FBXO11: variants seen among roughly 807,000 people sequenced by gnomAD.
FBXO11 encodes the protein F-box protein 11, also known as F-box only protein 11.
In FBXO11, 13 loss-of-function variants were observed where a neutral mutation model predicts 117.0. That is an observed-to-expected ratio of 0.11 (90% CI 0.07 to 0.18). The LOEUF is 0.18. Among genes scored for constraint, FBXO11 ranks in the 10% least tolerant of loss-of-function variants. The pLI is 1.00. For synonymous variants in FBXO11, 490 were observed against 380.5 expected, an observed-to-expected ratio of 1.29 and a Z score of -3.35; for missense variants, 767 against 1,164.4, an observed-to-expected ratio of 0.66 and a Z score of 4.97.
At chr2:47,828,042 C>T (rs1408020665) in intron 11 of FBXO11, among the ~76,000 whole-genome samples, 2 of 151,916 alleles carry the variant, frequency 1.3e-5, no homozygotes. Flanking sequence ...CAAGCTGGAG[C>T]TATCACAGGT....
intron 1 of FBXO11, among the ~76,000 whole-genome samples, chr2:47,854,254 G>A (rs1305453637): frequency 6.6e-6 from 1 of 151,114 alleles, no homozygotes; most frequent in Non-Finnish European, 1.5e-5. Context: ...CTGTCCCCAG[G>A]ACTTTTTTTT....
intron 1 of FBXO11, among the ~76,000 whole-genome samples, chr2:47,856,242 TA>T (rs1674284024): frequency 6.6e-6 from 1 of 152,102 alleles, no homozygotes; most frequent in South Asian, 2.1e-4. Flanking sequence ...AGCATAAAGA[TA>T]GATTAAATAG....
intron 13 of FBXO11, among the ~76,000 whole-genome samples, chr2:47,821,373 G>A (rs1444804944): frequency 6.6e-6 from 1 of 152,186 alleles, no homozygotes; most frequent in East Asian, 1.9e-4. Context: ...CACTTTGGGA[G>A]ACCGAGGCAG....
At chr2:47,836,747 GT>G (rs1672597820) in intron 4 of FBXO11, among the ~76,000 whole-genome samples, 1 of 152,160 alleles carries the variant, frequency 6.6e-6, no homozygotes, top group Admixed American at 6.5e-5. Context: ...TATCCTTACT[GT>G]AAAAACATCA....
chr2:47,899,639 T>C lies in FBXO11; in HGVS notation c.232+5850A>G, dbSNP rs183281605. Reference sequence around the variant, plus strand: ...TAACTCTGAGCTCTTTACATCATACTGTCTCATTCCTTATAGTGTATCTTC... The same window carrying C: ...TAACTCTGAGCTCTTTACATCATACCGTCTCATTCCTTATAGTGTATCTTC... On this transcript the variant is annotated intron_variant, in intron 1 of 22. Transcript: ENST00000403359. Among the ~76,000 whole-genome samples, 9 of 152,328 alleles carry C rather than the reference T, an allele frequency of 5.9e-5. No homozygotes were observed. In the East Asian group the frequency reaches 1.7e-3, roughly 29 times the overall value.
intron 11 of FBXO11, among the ~76,000 whole-genome samples, chr2:47,830,336 G>A (rs773023086): frequency 2.6e-5 from 4 of 151,926 alleles, no homozygotes; most frequent in African/African-American, 4.8e-5. Flanking sequence ...AGGGATTCTC[G>A]CATGGCAAGA....
At chr2:47,838,570 AT>A (rs1672771468) in intron 4 of FBXO11, among the ~76,000 whole-genome samples, 1 of 152,110 alleles carries the variant, frequency 6.6e-6, no homozygotes, top group Non-Finnish European at 1.5e-5. Context: ...TTCATTAGCT[AT>A]TTTAAATTAC....
intron 1 of FBXO11, among the ~76,000 whole-genome samples, chr2:47,841,890 C>T (rs977623990): frequency 2.6e-5 from 4 of 151,912 alleles, no homozygotes; most frequent in Non-Finnish European, 4.4e-5. Flanking sequence ...CCCCCCACCT[C>T]GGCCTCCCAA....
At chr2:47,878,064 T>C (rs139124367) in intron 1 of FBXO11, among the ~76,000 whole-genome samples, 1 of 152,330 alleles carries the variant, frequency 6.6e-6, no homozygotes, top group East Asian at 1.9e-4. Context: ...GCCCAGCTTT[T>C]ACCCAGGAGG....
intron 1 of FBXO11, among the ~76,000 whole-genome samples, chr2:47,890,404 C>A (rs1290368091): frequency 1.3e-5 from 2 of 152,118 alleles, no homozygotes; most frequent in Non-Finnish European, 2.9e-5. Context: ...AAGCACACTT[C>A]CAACATTAAA....
At chr2:47,813,042 CA>C in intron 18 of FBXO11, 191 bp downstream of exon 18, 1 of 611,352 alleles carries the variant, frequency 1.6e-6, no homozygotes, top group Non-Finnish European at 2.9e-6. Flanking sequence ...AAAGTGGCTA[CA>C]AAAGGAAAAG....
chr2:47,899,769 G>C (rs779758232), intron 1 of FBXO11, among the ~76,000 whole-genome samples: 64 of 152,252 alleles, frequency 4.2e-4, no homozygotes, highest in Admixed American at 1.3e-4. Flanking sequence ...TCAAAGGTCT[G>C]ATAAATCAGT....
chr2:47,874,042 G>A (rs376898795), intron 1 of FBXO11, among the ~76,000 whole-genome samples: 38 of 151,968 alleles, frequency 2.5e-4, no homozygotes, highest in African/African-American at 8.4e-4. Context: ...GTGAAACCCC[G>A]TCTCTACTAA....
chr2:47,905,400 G>T, intron 1 of FBXO11, 89 bp downstream of exon 1: 1 of 1,069,648 alleles, frequency 9.3e-7, no homozygotes, highest in Non-Finnish European at 1.1e-6. Context: ...CGCGCAGGCC[G>T]CCCCCGCCCG....
intron 1 of FBXO11, among the ~76,000 whole-genome samples, chr2:47,893,149 G>GT (rs1677388152): frequency 2.2e-5 from 3 of 134,120 alleles, no homozygotes; most frequent in African/African-American, 7.9e-5. Flanking sequence ...GTGATACTCT[G>GT]TCTCAAAAAA....
chr2:47,838,097 G>A (rs1465417044), intron 4 of FBXO11, among the ~76,000 whole-genome samples: 1 of 151,010 alleles, frequency 6.6e-6, no homozygotes, highest in African/African-American at 2.4e-5. Flanking sequence ...GCTGGGCATG[G>A]TGACACATGC....
chr2:47,865,156 G>A (rs1216090775), intron 1 of FBXO11, among the ~76,000 whole-genome samples: 3 of 152,192 alleles, frequency 2.0e-5, no homozygotes, highest in African/African-American at 7.2e-5. Context: ...ACAAACTGCA[G>A]CAGAACCTGA....
intron 1 of FBXO11, among the ~76,000 whole-genome samples, chr2:47,891,449 C>T (rs1176074964): frequency 6.6e-6 from 1 of 152,182 alleles, no homozygotes; most frequent in African/African-American, 2.4e-5. Context: ...TTGCACATTG[C>T]AGAATTCCTT....
chr2:47,818,664 T>C (rs1419434901), intron 16 of FBXO11, 115 bp downstream of exon 16: 1 of 689,880 alleles, frequency 1.4e-6, no homozygotes, highest in African/African-American at 1.8e-5. Context: ...AGAATGTGAA[T>C]ATATATACAA....
Sources: allele counts gnomAD v4.1 joint callset (sites outside exome capture counted in the v4.1 genomes callset), GRCh38; gene constraint gnomAD v4.1.1; transcripts MANE v1.5; gene names NCBI Gene and HGNC (gene_info 2026-07-23, HGNC 2026-07-21).